Variants in HEATR4 observed in about 807,000 individuals in gnomAD.
HEATR4 encodes HEAT repeat-containing protein 4.
A neutral mutation model predicts 108.8 loss-of-function variants in HEATR4; 95 were observed. The observed-to-expected ratio is 0.87, with a 90% CI of 0.74 to 1.04. HEATR4 has a LOEUF of 1.04. Among genes scored for constraint, HEATR4 ranks in the 50% least tolerant of loss-of-function variants. The pLI is 0.00. For synonymous variants in HEATR4, 443 were observed against 459.4 expected (o/e 0.96, Z 0.46); for missense variants, 1,152 against 1,253.8 (o/e 0.92, Z 1.23).
chr14:73,496,667 C>G lies in HEATR4; in HGVS notation c.2559G>C (p.Gln853His). ...TTCCTAAGTTGAGTATCTTCATTGTCTGGTACATTTCTCTGAAAGATAAGA... is the reference window on the plus strand; with the variant it reads ...TTCCTAAGTTGAGTATCTTCATTGTGTGGTACATTTCTCTGAAAGATAAGA... The part of the protein sequence containing the change: ...NHDAVLKEMY[Q>H]TMKILNLGNE... The change falls in exon 15 of 18, where the codon CAG (glutamine) becomes CAC (histidine). Residue 853 changes from glutamine to histidine, a missense_variant. Gln to His is a conservative substitution (Grantham distance 24). Coordinates refer to ENST00000553558, the MANE Select transcript of HEATR4 (RefSeq NM_001220484.1). The G allele has an allele frequency of 6.3e-7, 1 of 1,579,374 alleles. No homozygotes were observed. Among genetic ancestry groups the G allele is most frequent in the Non-Finnish European group, 8.7e-7 (1 of 1,148,612 alleles).
chr14:73,498,483 T>TG (rs1470767233), intron 13 of HEATR4, 139 bp from the exon 14 acceptor site: 1 of 685,942 alleles, frequency 1.5e-6, no homozygotes, highest in Admixed American at 2.9e-5. Flanking sequence ...TAGGTCAGAA[T>TG]GGGACATTAC....
Position 73,493,118 on chromosome 14 carries a change from A to C in HEATR4, c.2792T>G (p.Met931Arg). ...TLLQETFQDE[M>R]VLPRRPSEVC... ...CTCGGAAGGTCTTCTAGGAAGAACC[A>C]TCTCATCTAGGTACAAAAGGAAAAG... The change falls in exon 17 of 18, where the codon ATG becomes AGG. Residue 931 changes from methionine (M) to arginine (R), a missense_variant. By Grantham distance (91) the Met-to-Arg change is moderately conservative (BLOSUM62 -1). Coordinates refer to ENST00000553558, the MANE Select transcript of HEATR4 (RefSeq NM_001220484.1). The C allele has an allele frequency of 3.7e-6, 6 of 1,612,698 alleles. No homozygotes were observed. The highest frequency in any genetic ancestry group is 5.1e-6 in the Non-Finnish European group (6 of 1,179,736).
the HEATR4 span, among the ~76,000 whole-genome samples, chr14:73,585,983 T>C: frequency 3.2e-5 from 4 of 123,928 alleles, no homozygotes; most frequent in Non-Finnish European, 4.8e-5. Flanking sequence ...CACTCCAGTC[T>C]GGGCGACAGA....
chr14:73,548,271 G>A lies in HEATR4; in HGVS notation c.-152+10480C>T, dbSNP rs1311930525. On this transcript the variant is annotated intron_variant, in intron 1 of 17. Transcript: ENST00000553558. Reference sequence around the variant, plus strand: ...AAAGAGAGTGAGTTTTATTATCCATGCTAGCAAGGGGAGAAGTGAGTGTAG... The same window carrying A: ...AAAGAGAGTGAGTTTTATTATCCATACTAGCAAGGGGAGAAGTGAGTGTAG... 5.2e-5 allele frequency among the ~76,000 whole-genome samples: 6 copies of A among 115,502 alleles called. 2 individuals are homozygous for A. Among genetic ancestry groups the A allele is most frequent in the African/African-American group, 1.7e-4 (6 of 35,586 alleles). 75.8% of individuals were successfully genotyped at this position (115,502 alleles called of 152,430 possible). A position where few individuals can be genotyped will look rare whatever the true frequency, so the allele number is the denominator to read the frequency against.
intron 16 of HEATR4, among the ~76,000 whole-genome samples, chr14:73,494,461 A>G (rs539171914): frequency 6.6e-6 from 1 of 152,230 alleles, no homozygotes; most frequent in African/African-American, 2.4e-5. Flanking sequence ...AATTCTTTTT[A>G]AAAAAGTTAC....
At chr14:73,612,992 G>T in the HEATR4 span, 2 of 1,056,478 alleles carry the variant, frequency 1.9e-6, no homozygotes, top group South Asian at 1.9e-5. Flanking sequence ...GCCGGTGCGC[G>T]CGGGCCCGGT....
the HEATR4 span, among the ~76,000 whole-genome samples, chr14:73,566,223 T>A: frequency 1.3e-5 from 2 of 151,950 alleles, no homozygotes; most frequent in East Asian, 1.9e-4. Context: ...TAGCTAGACA[T>A]AAAGGTTCTC....
At chr14:73,626,834 T>C in the HEATR4 span, among the ~76,000 whole-genome samples, 1 of 146,444 alleles carries the variant, frequency 6.8e-6, no homozygotes, top group Non-Finnish European at 1.5e-5. Context: ...GTTTTGCTAT[T>C]GTTGCCCAGG....
chr14:73,498,466 T>C (rs2140258216), intron 13 of HEATR4, 122 bp from the exon 14 acceptor site: 3 of 835,572 alleles, frequency 3.6e-6, no homozygotes, highest in Non-Finnish European at 5.5e-6. Flanking sequence ...CATTAGAATT[T>C]TAGGGATAGG....
rs1026232599 is a variant in HEATR4, at chr14:73,520,703, C to G, written c.1069+149G>C. The G allele has an allele frequency of 2.0e-5, 14 of 689,946 alleles. No homozygotes were observed. In the Admixed American group the frequency reaches 2.8e-4, roughly 14 times the overall value. The allele number at this position is 689,946 out of a possible 1,614,324, so 42.7% of individuals were successfully genotyped here. A position where few individuals can be genotyped will look rare whatever the true frequency, so the allele number is the denominator to read the frequency against. ...ATCACTCCCCGACCCAACTCCTGTG[C>G]TAGTGTGGGTGCTGGGTCATGAACA... On this transcript the variant is annotated intron_variant, in intron 4 of 17. Coordinates refer to ENST00000553558, the MANE Select transcript of HEATR4 (RefSeq NM_001220484.1).
At chr14:73,500,837 A>G in intron 11 of HEATR4, 107 bp from the exon 12 acceptor site, 1 of 986,414 alleles carries the variant, frequency 1.0e-6, no homozygotes, top group Non-Finnish European at 1.5e-6. Flanking sequence ...TAGGCTGTCA[A>G]TCCCATTCAG....
At chr14:73,632,960 T>C in the HEATR4 span, among the ~76,000 whole-genome samples, 1 of 151,866 alleles carries the variant, frequency 6.6e-6, no homozygotes, top group African/African-American at 2.4e-5. Context: ...AGAACTTATT[T>C]CCTTAGGGTA....
At chr14:73,602,216 G>C in the HEATR4 span, among the ~76,000 whole-genome samples, 21 of 152,158 alleles carry the variant, frequency 1.4e-4, no homozygotes, top group Non-Finnish European at 7.3e-5. Flanking sequence ...TGGGATTACA[G>C]GCATGAGCCA....
In HEATR4 at chr14:73,500,649, C is replaced by T; in HGVS notation, c.2187G>A (p.Lys729=). 6.2e-7 allele frequency: 1 copy of T among 1,614,214 alleles called. No homozygotes were observed. The highest frequency in any genetic ancestry group is 8.5e-7 in the Non-Finnish European group (1 of 1,180,048). The change falls in exon 12 of 18, where the codon AAG becomes AAA. Residue 729 remains lysine, a synonymous_variant. Transcript: ENST00000553558. The part of the protein sequence containing the change: ...LIGELKLMTA[K]LLPSFLHCFS... Reference sequence around the variant, plus strand: ...AGCAGTGCAGGAAGCTTGGGAGAAGCTTGGCGGTCATAAGCTTGAGCTCAC... The same window carrying T: ...AGCAGTGCAGGAAGCTTGGGAGAAGTTTGGCGGTCATAAGCTTGAGCTCAC...
chr14:73,624,429 CA>C, the HEATR4 span, among the ~76,000 whole-genome samples: 1 of 151,910 alleles, frequency 6.6e-6, no homozygotes, highest in Non-Finnish European at 1.5e-5. Context: ...GCGCCCCGCC[CA>C]AAAAAATTTT....
the HEATR4 span, chr14:73,573,615 G>T: frequency 6.2e-7 from 1 of 1,612,588 alleles, no homozygotes; most frequent in East Asian, 2.2e-5. Flanking sequence ...CAGATTTATG[G>T]GCTATGATGT....
At chr14:73,613,023 C>T in the HEATR4 span, 34 of 866,104 alleles carry the variant, frequency 3.9e-5, no homozygotes, top group African/African-American at 4.9e-4. Context: ...CTCTTCCTGC[C>T]GCCGGATGAG....
the HEATR4 span, among the ~76,000 whole-genome samples, chr14:73,610,538 C>G: frequency 6.6e-6 from 1 of 151,904 alleles, no homozygotes; most frequent in Non-Finnish European, 1.5e-5. Context: ...TCATCCGCCC[C>G]CCTCGGCCTC....
chr14:73,496,651 T>C lies in HEATR4; in HGVS notation c.2575A>G (p.Asn859Asp), dbSNP rs148329758. The change falls in exon 15 of 18, where the codon AAC becomes GAC. Residue 859 changes from asparagine to aspartate, a missense_variant. By Grantham distance (23) the Asn-to-Asp change is conservative. Transcript: ENST00000553558. ...KEMYQTMKILNLGNEGNQEML... is the reference protein window; with the variant it reads ...KEMYQTMKILDLGNEGNQEML... ...TCTTGGTTTCCTTCATTTCCTAAGT[T>C]GAGTATCTTCATTGTCTGGTACATT... is the stretch of plus-strand genomic sequence containing the variant. 10 of 1,594,976 alleles carry C rather than the reference T, an allele frequency of 6.3e-6. No homozygotes were observed. In the African/African-American group the frequency reaches 1.3e-4, roughly 21 times the overall value.
Sources: gnomAD v4.1 joint callset for allele counts (sites outside exome capture counted in the v4.1 genomes callset) on GRCh38, gnomAD v4.1.1 for gene constraint, MANE v1.5 for transcripts, NCBI Gene and HGNC (gene_info 2026-07-23, HGNC 2026-07-21) for gene names.